Variants in PTCD2 observed in about 807,000 individuals in gnomAD.
PTCD2 encodes the protein pentatricopeptide repeat-containing protein 2, mitochondrial.
In PTCD2, 31 loss-of-function variants were observed where a neutral mutation model predicts 42.6. The observed-to-expected ratio is 0.73, with a 90% CI of 0.55 to 0.98. The LOEUF is 0.98. Among genes scored for constraint, PTCD2 ranks in the 50% least tolerant of loss-of-function variants. The pLI, the probability that PTCD2 is intolerant of heterozygous loss-of-function variation, is 0.00. For synonymous variants in PTCD2, 183 were observed against 170.9 expected (o/e 1.07, Z -0.55); for missense variants, 476 against 454.8 (o/e 1.05, Z -0.42).
chr5:72,320,997 G>A (rs1750807844), intron 1 of PTCD2: 1 of 160,232 alleles, frequency 6.2e-6, no homozygotes, highest in Non-Finnish European at 1.4e-5. Context: ...AGTAGAGACG[G>A]GTTTCACTAT....
Position 72,331,283 on chromosome 5 carries a change from A to G in PTCD2, c.376A>G (p.Thr126Ala). ...GTACCATGCAGAGAACAAAAATTTC[A>G]CTTTGGGGGAGTATAAATTTGGACC... is the stretch of plus-strand genomic sequence containing the variant. ...YRYHAENKNF[T>A]LGEYKFGPLF... The change falls in exon 4 of 10, where the codon ACT (threonine) becomes GCT (alanine). Residue 126 changes from threonine (T) to alanine (A), a missense_variant. Transcript: ENST00000380639. 1 of 1,613,570 alleles carries G rather than the reference A, an allele frequency of 6.2e-7. No homozygotes were observed.
At chr5:72,352,872 C>T (rs1480866333) in intron 9 of PTCD2, 118 bp downstream of exon 9, 5 of 589,148 alleles carry the variant, frequency 8.5e-6, no homozygotes, top group African/African-American at 3.8e-5. Flanking sequence ...GGCAGCTTCT[C>T]TGTTGTTCCT....
rs966679202 is a variant in PTCD2 at position 72,361,708 on chromosome 5, T to A, written c.*3281T>A. 1 of 152,272 alleles carries A rather than the reference T, an allele frequency of 6.6e-6. No individual in the cohort carries two copies. The highest frequency in any genetic ancestry group is 2.4e-5 in the African/African-American group (1 of 41,440). The allele number at this position is 152,272 out of a possible 1,614,324, so 9.4% of individuals were successfully genotyped here. On this transcript the variant is annotated 3_prime_UTR_variant, in exon 10 of 10. Coordinates refer to ENST00000380639, the MANE Select transcript of PTCD2 (RefSeq NM_024754.5). Reference sequence around the variant, plus strand: ...GACCTCACATGCTTCTGGATAAAGCTCAGGCTCTTCAACATGGTTTAGAAG... The same window carrying A: ...GACCTCACATGCTTCTGGATAAAGCACAGGCTCTTCAACATGGTTTAGAAG...
At position 72,358,378 on chromosome 5, in the gene PTCD2, T is replaced by A; in HGVS notation, c.1118T>A (p.Val373Asp). ...SHTLLLNKRM[V>D]SRRTFQPLSQ... is the part of the protein sequence containing the mutation. Reference sequence around the variant, plus strand: ...ACGTTGCTATTAAACAAGAGGATGGTCAGCCGTCGCACCTTCCAGCCACTC... The same window carrying A: ...ACGTTGCTATTAAACAAGAGGATGGACAGCCGTCGCACCTTCCAGCCACTC... Residue 373 changes from valine to aspartate, a missense_variant, in exon 10 of 10, where the codon GTC (valine) becomes GAC (aspartate). Physicochemically the swap from Val to Asp is radical, Grantham distance 152. Transcript: ENST00000380639. 1 of 1,613,904 alleles carries A rather than the reference T, an allele frequency of 6.2e-7. No homozygotes were observed. Among genetic ancestry groups the A allele is most frequent in the African/African-American group, 1.3e-5 (1 of 75,040 alleles).
At position 72,347,937 on chromosome 5, in the gene PTCD2, G is replaced by C. The variant is rs968128197; in HGVS notation, c.829-4704G>C. 5.9e-5 allele frequency among the ~76,000 whole-genome samples: 9 copies of C among 152,060 alleles called. No individual in the cohort carries two copies. In the Admixed American group the frequency reaches 5.9e-4, roughly 10 times the overall value. Reference sequence around the variant, plus strand: ...AGTGGAATGGGCGTGTTTCAGGCAAGGACTCCATAAGTAACTTTGAAGTGA... The same window carrying C: ...AGTGGAATGGGCGTGTTTCAGGCAACGACTCCATAAGTAACTTTGAAGTGA... On this transcript the variant is annotated intron_variant, in intron 8 of 9. Coordinates refer to ENST00000380639, the MANE Select transcript of PTCD2 (RefSeq NM_024754.5).
intron 4 of PTCD2, among the ~76,000 whole-genome samples, chr5:72,332,294 A>C (rs1444913859): frequency 6.6e-6 from 1 of 152,204 alleles, no homozygotes; most frequent in Non-Finnish European, 1.5e-5. Flanking sequence ...CCTGTGTATT[A>C]GAAAGATACC....
At chr5:72,349,676 C>G (rs770425938) in intron 8 of PTCD2, among the ~76,000 whole-genome samples, 1 of 152,048 alleles carries the variant, frequency 6.6e-6, no homozygotes, top group Non-Finnish European at 1.5e-5. Context: ...CCAAAATTTC[C>G]CCTGTTCCTT....
chr5:72,331,447 A>C (rs1269711563), intron 4 of PTCD2, 72 bp downstream of exon 4: 6 of 1,039,554 alleles, frequency 5.8e-6, no homozygotes, highest in Non-Finnish European at 9.1e-6. Context: ...CATGTCTTCT[A>C]TGTACATTAT....
chr5:72,350,918 C>T (rs2112218641), intron 8 of PTCD2, among the ~76,000 whole-genome samples: 1 of 152,208 alleles, frequency 6.6e-6, no homozygotes, highest in East Asian at 1.9e-4. Context: ...TAAGACATTA[C>T]CAGTTTTTAA....
intron 7 of PTCD2, among the ~76,000 whole-genome samples, chr5:72,340,774 C>A (rs1343412835): frequency 6.6e-6 from 1 of 150,840 alleles, no homozygotes; most frequent in African/African-American, 2.4e-5. Flanking sequence ...TACTTTTAGG[C>A]ATTGCTTTTC....
In PTCD2 at chr5:72,363,412, A is replaced by G. The variant is rs186719151; in HGVS notation, c.*4985A>G. On this transcript the variant is annotated 3_prime_UTR_variant, in exon 10 of 10. Coordinates refer to ENST00000380639, the MANE Select transcript of PTCD2 (RefSeq NM_024754.5). ...TGATGCCTTTGCTAGTCTGGGCAAC[A>G]CACTTTAAGAATAGTTGGTATAACA... 8.1e-4 allele frequency: 123 copies of G among 152,388 alleles called. No homozygotes were observed. Among genetic ancestry groups the G allele is most frequent in the African/African-American group, 2.8e-3 (116 of 41,598 alleles). 9.4% of individuals were successfully genotyped at this position (152,388 alleles called of 1,614,324 possible).
intron 2 of PTCD2, among the ~76,000 whole-genome samples, chr5:72,323,330 T>C (rs1000538163): frequency 3.3e-5 from 5 of 152,166 alleles, no homozygotes; most frequent in Non-Finnish European, 7.4e-5. Flanking sequence ...ATTTTTGTTA[T>C]AAAAAGCTAC....
intron 7 of PTCD2, among the ~76,000 whole-genome samples, chr5:72,341,113 C>T (rs957306249): frequency 1.3e-5 from 2 of 151,972 alleles, no homozygotes; most frequent in Admixed American, 6.6e-5. Context: ...TACAGGCATG[C>T]GCCCAGCCAA....
rs368791788 is a variant in PTCD2 at position 72,338,699 on chromosome 5, A to G, written c.717A>G (p.Arg239=). Residue 239 remains arginine (R), a synonymous_variant, in exon 7 of 10, where the codon AGA becomes AGG. Transcript: ENST00000380639. The stretch of plus-strand genomic sequence containing the variant: ...TCAAAGGAGAAATTCTCTCCAGGAG[A>G]GCATCCTGTTTCGCTGTGGCATTAG... ...ALLKGEILSR[R]ASCFAVALAL... 5 of 1,612,488 alleles carry G rather than the reference A, an allele frequency of 3.1e-6. No individual in the cohort carries two copies. Among genetic ancestry groups the G allele is most frequent in the Non-Finnish European group, 3.4e-6 (4 of 1,178,720 alleles).
intron 3 of PTCD2, among the ~76,000 whole-genome samples, chr5:72,327,319 G>C (rs1043521067): frequency 5.9e-5 from 9 of 152,176 alleles, no homozygotes; most frequent in Non-Finnish European, 8.8e-5. Context: ...CGTTATTAAA[G>C]TTTCCCATGT....
chr5:72,358,086 A>T, intron 9 of PTCD2, 117 bp from the exon 10 acceptor site: 1 of 914,862 alleles, frequency 1.1e-6, no homozygotes, highest in Non-Finnish European at 1.7e-6. Context: ...AGCATGGGCC[A>T]CCTCGCCTGG....
chr5:72,352,381 C>T (rs1160165142), intron 8 of PTCD2, among the ~76,000 whole-genome samples: 4 of 152,228 alleles, frequency 2.6e-5, no homozygotes, highest in South Asian at 4.1e-4. Flanking sequence ...CTCTTGACCT[C>T]GTGATCTGCC....
intron 6 of PTCD2, among the ~76,000 whole-genome samples, chr5:72,336,546 T>A (rs1367429850): frequency 6.6e-6 from 1 of 152,064 alleles, no homozygotes; most frequent in African/African-American, 2.4e-5. Context: ...TACGTTCTTT[T>A]ATCAATACAA....
rs946858032 is a variant in PTCD2, at chr5:72,362,260, C to T, written c.*3833C>T. ...TTTGGGAAGGAATTAGGGTGGTGCC[C>T]TCATGAATGGGATTTGTGTCATTAT... On this transcript the variant is annotated 3_prime_UTR_variant, in exon 10 of 10. Coordinates refer to ENST00000380639, the MANE Select transcript of PTCD2 (RefSeq NM_024754.5). 2.0e-5 allele frequency: 3 copies of T among 152,162 alleles called. No homozygotes were observed. Among genetic ancestry groups the T allele is most frequent in the African/African-American group, 7.2e-5 (3 of 41,504 alleles). 9.4% of individuals were successfully genotyped at this position (152,162 alleles called of 1,614,324 possible).
Sources: allele counts gnomAD v4.1 joint callset (sites outside exome capture counted in the v4.1 genomes callset), GRCh38; gene constraint gnomAD v4.1.1; transcripts MANE v1.5; gene names NCBI Gene and HGNC (gene_info 2026-07-23, HGNC 2026-07-21).